The following PARD3B variants were observed in gnomAD, a reference collection of about 807,000 sequenced individuals.
PARD3B encodes the protein partitioning defective 3 homolog B.
In PARD3B, 103 loss-of-function variants were observed where a neutral mutation model predicts 130.2. The ratio of observed to expected loss-of-function variants is 0.79; its 90% CI spans 0.67 to 0.93. The LOEUF (loss-of-function observed/expected upper bound fraction) is 0.93. PARD3B is among the 40% of genes least tolerant of loss of function. The probability of loss-of-function intolerance (pLI) is 0.00; values close to 1 mark genes in which losing one functional copy is unlikely to be tolerated. For synonymous variants in PARD3B, 583 were observed against 553.2 expected (o/e 1.05, Z -0.76); for missense variants, 1,609 against 1,499.2 (o/e 1.07, Z -1.21).
Position 204,805,245 on chromosome 2 carries a change from C to T in PARD3B, c.222+118963C>T, listed in dbSNP as rs143251841. 8.3e-3 allele frequency among the ~76,000 whole-genome samples: 1,263 copies of T among 152,170 alleles called. 17 individuals carry two copies. Among genetic ancestry groups the T allele is most frequent in the African/African-American group, 0.029 (1,191 of 41,548 alleles). ...GAAAAAAGAGACATTACAACTGATA[C>T]TGCAGAAATTCAAAGGATCATTAGT... is the stretch of plus-strand genomic sequence containing the variant. On this transcript the variant is annotated intron_variant, in intron 2 of 22. Coordinates refer to ENST00000406610, the MANE Select transcript of PARD3B (RefSeq NM_001302769.2).
At chr2:204,685,630 G>A (rs1335295536) in intron 1 of PARD3B, among the ~76,000 whole-genome samples, 1 of 152,220 alleles carries the variant, frequency 6.6e-6, no homozygotes, top group Non-Finnish European at 1.5e-5. Context: ...AGCGAGGCTG[G>A]AGCTCCTGCT....
In PARD3B at chr2:205,300,809, C is replaced by G. The variant is rs997308637; in HGVS notation, c.2392+73C>G. 1.2e-5 allele frequency: 16 copies of G among 1,383,504 alleles called. No individual in the cohort carries two copies. In the African/African-American group the frequency reaches 2.2e-4, roughly 19 times the overall value. 85.7% of individuals were successfully genotyped at this position (1,383,504 alleles called of 1,614,324 possible). On this transcript the variant is annotated intron_variant, in intron 17 of 22. Transcript: ENST00000406610. This position sits in a 1 kb window ranked among gnomAD's most constrained non-coding sequence, Gnocchi z 4.1. ...TGCAAATCATGGGCAAGAATGTGTG[C>G]TCAACTACAGAAAAAAATGATTTAA...
At chr2:205,362,236 G>A (rs2044416588) in intron 18 of PARD3B, among the ~76,000 whole-genome samples, 1 of 152,024 alleles carries the variant, frequency 6.6e-6, no homozygotes, top group Non-Finnish European at 1.5e-5. Flanking sequence ...TTAAATATAG[G>A]TATTATTATA....
chr2:204,794,495 A>T (rs2125484040), intron 2 of PARD3B, among the ~76,000 whole-genome samples: 1 of 152,184 alleles, frequency 6.6e-6, no homozygotes, highest in Non-Finnish European at 1.5e-5. Context: ...GTATTTGCTG[A>T]TTACCGTGGT....
chr2:204,834,117 T>G (rs938457144), intron 2 of PARD3B, among the ~76,000 whole-genome samples: 1 of 152,216 alleles, frequency 6.6e-6, no homozygotes, highest in Non-Finnish European at 1.5e-5. Context: ...TTTCTTGACC[T>G]TTCCAACTAA....
intron 2 of PARD3B, among the ~76,000 whole-genome samples, chr2:204,704,628 T>A (rs1192850747): frequency 2.0e-5 from 3 of 152,210 alleles, no homozygotes; most frequent in Non-Finnish European, 4.4e-5. Flanking sequence ...GTGATTGAGA[T>A]GCACTTGCCT....
intron 3 of PARD3B, among the ~76,000 whole-genome samples, chr2:204,996,855 C>T (rs937610924): frequency 2.0e-4 from 30 of 147,510 alleles, no homozygotes; most frequent in African/African-American, 6.3e-4. Context: ...CAGGTGCGTC[C>T]GTCACCCCTT....
At chr2:204,564,951 C>G (rs1403572992) in intron 1 of PARD3B, among the ~76,000 whole-genome samples, 33 of 152,210 alleles carry the variant, frequency 2.2e-4, no homozygotes. Context: ...GCAGTCTGCA[C>G]ACAGCTTAGC....
At chr2:205,376,260 A>C (rs189884943) in intron 18 of PARD3B, among the ~76,000 whole-genome samples, 17 of 152,314 alleles carry the variant, frequency 1.1e-4, no homozygotes, top group South Asian at 4.1e-4. Context: ...CAAAGCAGGC[A>C]GAGTCCACAA....
intron 4 of PARD3B, among the ~76,000 whole-genome samples, chr2:205,099,533 A>C (rs1702609049): frequency 6.6e-6 from 1 of 152,240 alleles, no homozygotes. Context: ...CATGTAATTT[A>C]GTGAAGGAAA....
intron 20 of PARD3B, among the ~76,000 whole-genome samples, chr2:205,457,391 C>T (rs138478766): frequency 0.012 from 1,799 of 151,804 alleles, 12 homozygotes; most frequent in Middle Eastern, 0.024. Flanking sequence ...TTATTTTCTC[C>T]TTTTTTTGTC....
At chr2:205,559,773 A>G (rs1398303203) in intron 22 of PARD3B, among the ~76,000 whole-genome samples, 2 of 151,782 alleles carry the variant, frequency 1.3e-5, no homozygotes, top group Admixed American at 6.6e-5. Context: ...TAATTTTTGT[A>G]TTTTTAGTAG....
intron 21 of PARD3B, among the ~76,000 whole-genome samples, chr2:205,545,508 C>A (rs947748182): frequency 6.6e-6 from 1 of 152,152 alleles, no homozygotes; most frequent in Non-Finnish European, 1.5e-5. Flanking sequence ...GCATCTTAAT[C>A]TTATGATGTG....
At chr2:205,262,721 G>A (rs1037239270) in intron 16 of PARD3B, among the ~76,000 whole-genome samples, 1 of 152,074 alleles carries the variant, frequency 6.6e-6, no homozygotes, top group Non-Finnish European at 1.5e-5. Flanking sequence ...TAAACACTAT[G>A]TAGGGGAATA....
At chr2:205,557,582 G>A (rs534381061) in intron 22 of PARD3B, among the ~76,000 whole-genome samples, 15 of 152,276 alleles carry the variant, frequency 9.9e-5, no homozygotes, top group African/African-American at 3.1e-4. Context: ...TGTGGCCTTG[G>A]GCAGTGATGG....
chr2:204,721,585 TATGGCACAATATTTCG>T, intron 2 of PARD3B, among the ~76,000 whole-genome samples: 1 of 152,310 alleles, frequency 6.6e-6, no homozygotes, highest in African/African-American at 2.4e-5. Context: ...ACCTGAATGT[TATGGCACAATATTTCG>T]ATGGCAAAGA....
At position 204,890,948 on chromosome 2, in the gene PARD3B, C is replaced by G. The variant is rs2046423047; in HGVS notation, c.223-74204C>G. On this transcript the variant is annotated intron_variant, in intron 2 of 22. Transcript: ENST00000406610. This position sits in a 1 kb window ranked among gnomAD's most constrained non-coding sequence, Gnocchi z 4.9. ...TATCTCTTGCCATCATCCACTGCCT[C>G]CATGAGGATATTCTAGGAATCTGTA... Among the ~76,000 whole-genome samples the G allele has an allele frequency of 6.6e-6, 1 of 152,170 alleles. No individual in the cohort carries two copies. The highest frequency in any genetic ancestry group is 2.1e-4 in the South Asian group (1 of 4,828).
At chr2:205,444,297 T>A (rs2047830146) in intron 20 of PARD3B, among the ~76,000 whole-genome samples, 1 of 152,142 alleles carries the variant, frequency 6.6e-6, no homozygotes, top group South Asian at 2.1e-4. Context: ...CAAAAGTTTT[T>A]TTTTTAACTA....
intron 21 of PARD3B, among the ~76,000 whole-genome samples, chr2:205,541,959 C>CA (rs2052159901): frequency 2.6e-5 from 4 of 151,748 alleles, no homozygotes; most frequent in African/African-American, 9.7e-5. Flanking sequence ...GCGTGACCAA[C>CA]ATGGTGAAAC....
Sources: gnomAD v4.1 joint callset for allele counts (sites outside exome capture counted in the v4.1 genomes callset) on GRCh38, gnomAD v4.1.1 for gene constraint, Gnocchi (gnomAD v3.1) non-coding constraint, MANE v1.5 for transcripts, NCBI Gene and HGNC (gene_info 2026-07-23, HGNC 2026-07-21) for gene names.